Variants in DIP2A observed in about 807,000 individuals in gnomAD.
DIP2A encodes disco-interacting protein 2 homolog A.
In DIP2A, 85 loss-of-function variants were observed where a neutral mutation model predicts 177.4. The observed-to-expected ratio is 0.48, with a 90% CI of 0.40 to 0.57. The LOEUF (loss-of-function observed/expected upper bound fraction) is 0.57. DIP2A is among the 20% of genes least tolerant of loss of function. DIP2A has a pLI of 0.00. For synonymous variants in DIP2A, 886 were observed against 881.8 expected (o/e 1.00, Z -0.08); for missense variants, 1,791 against 2,100.2 (o/e 0.85, Z 2.88).
chr21:46,561,722 A>G, intron 33 of DIP2A, 26 bp from the exon 34 acceptor site: 1 of 1,613,606 alleles, frequency 6.2e-7, no homozygotes, highest in Non-Finnish European at 8.5e-7. Context: ...TAAATTTTGT[A>G]CTGAAATTGT....
intron 8 of DIP2A, among the ~76,000 whole-genome samples, chr21:46,522,185 T>A (rs554937065): frequency 3.2e-4 from 49 of 152,372 alleles, no homozygotes; most frequent in African/African-American, 1.1e-3. Context: ...CTAAAAGGCA[T>A]TACAGTTTTA....
At chr21:46,487,267 C>T (rs776752162) in intron 2 of DIP2A, among the ~76,000 whole-genome samples, 8 of 152,156 alleles carry the variant, frequency 5.3e-5, no homozygotes, top group African/African-American at 9.7e-5. Flanking sequence ...AGAAGATTGA[C>T]GAGGCTCTTT....
chr21:46,510,661 C>T (rs1438797840), intron 7 of DIP2A, among the ~76,000 whole-genome samples: 1 of 139,468 alleles, frequency 7.2e-6, no homozygotes, highest in Non-Finnish European at 1.5e-5. Flanking sequence ...GGCAGAGTCT[C>T]ACTCTGTCGC....
intron 11 of DIP2A, 41 bp downstream of exon 11, chr21:46,533,688 T>C (rs2059441827): frequency 6.2e-7 from 1 of 1,612,762 alleles, no homozygotes; most frequent in African/African-American, 1.3e-5. Context: ...GTTCTGACTG[T>C]GGTCTGTGTT....
intron 20 of DIP2A, 76 bp downstream of exon 20, chr21:46,546,037 C>A: frequency 6.2e-7 from 1 of 1,605,886 alleles, no homozygotes; most frequent in Non-Finnish European, 8.5e-7. Flanking sequence ...CTCGTTGCAG[C>A]CCCACCCTTG....
At chr21:46,565,607 G>A (rs950113108) in intron 35 of DIP2A, 106 bp from the exon 36 acceptor site, 11 of 1,189,916 alleles carry the variant, frequency 9.2e-6, no homozygotes, top group South Asian at 1.6e-5. Context: ...CCCCGACTTC[G>A]TTCAGTGTTT....
downstream of DIP2A, among the ~76,000 whole-genome samples, chr21:46,570,244 G>C (rs959105405): frequency 2.6e-5 from 4 of 152,158 alleles, no homozygotes; most frequent in Admixed American, 1.3e-4. Flanking sequence ...GGTACCTGCT[G>C]CCCTCCAGAA....
At chr21:46,567,070 A>G (rs531320803) in intron 37 of DIP2A, among the ~76,000 whole-genome samples, 3 of 152,354 alleles carry the variant, frequency 2.0e-5, no homozygotes, top group African/African-American at 4.8e-5. Context: ...AAGTGTTTCT[A>G]CTTTTAATAT....
At chr21:46,495,235 TTCTCTTCTTTCTCTCTCTC>T (rs1438900665) in intron 3 of DIP2A, among the ~76,000 whole-genome samples, 264 of 51,210 alleles carry the variant, frequency 5.2e-3, no homozygotes, top group African/African-American at 0.029. Context: ...TTCTCTTCTC[TTCTCTTCTTTCTCTCTCTC>T]TCTCTCTCTC....
chr21:46,465,870 A>C (rs1189602281), intron 1 of DIP2A, among the ~76,000 whole-genome samples: 1 of 152,208 alleles, frequency 6.6e-6, no homozygotes, highest in African/African-American at 2.4e-5. Context: ...TTGAGTTGCA[A>C]AGCGAACTAG....
intron 6 of DIP2A, among the ~76,000 whole-genome samples, chr21:46,506,768 C>CT (rs146990096): frequency 0.033 from 2,099 of 62,916 alleles, 31 homozygotes; most frequent in Non-Finnish European, 0.046. Flanking sequence ...TTCTTTCTTT[C>CT]TTTCTTTTCT....
Position 46,557,819 on chromosome 21 carries a change from C to A in DIP2A, c.3798+66C>A. 1 of 1,534,904 alleles carries A rather than the reference C, an allele frequency of 6.5e-7. No homozygotes were observed. Among genetic ancestry groups the A allele is most frequent in the Admixed American group, 2.0e-5 (1 of 51,212 alleles). The stretch of plus-strand genomic sequence containing the variant: ...ACAGCCCTGGGAAGTTTAAAAACAA[C>A]AAAACAAAACAAGACTCCCAAGGCC... On this transcript the variant is annotated intron_variant, in intron 31 of 37. Transcript: ENST00000417564. The surrounding 1 kb of genome is among the most constrained non-coding windows in gnomAD (Gnocchi z 6.0).
At position 46,484,808 on chromosome 21, in the gene DIP2A, G is replaced by A. The variant is rs771182414; in HGVS notation, c.143G>A (p.Arg48His). 46 of 1,585,008 alleles carry A rather than the reference G, an allele frequency of 2.9e-5. 1 individual carries two copies. Among genetic ancestry groups the A allele is most frequent in the Middle Eastern group, 3.3e-4 (2 of 6,050 alleles). ...YEKKRAKLLA[R>H]YIPLIQGIDP... ...AAGAAAAGGGCAAAGCTGCTTGCAC[G>A]TTATATACCGCTTATTCAAGGTAAG... The change falls in exon 2 of 38, where the codon CGT (arginine) becomes CAT (histidine). Residue 48 changes from arginine (R) to histidine (H), a missense_variant. Physicochemically the swap from Arg to His is conservative, Grantham distance 29 (BLOSUM62 0). Transcript: ENST00000417564.
chr21:46,554,454 C>T, intron 26 of DIP2A, 121 bp from the exon 27 acceptor site: 2 of 1,541,826 alleles, frequency 1.3e-6, no homozygotes, highest in Admixed American at 1.9e-5. Flanking sequence ...CCTGTGGAAA[C>T]CCAGGAGTCA....
At chr21:46,514,641 G>T (rs13051930) in intron 8 of DIP2A, among the ~76,000 whole-genome samples, 18,606 of 59,118 alleles carry the variant, frequency 0.31, 1,431 homozygotes, top group East Asian at 0.55. Flanking sequence ...TTTTTTTTTT[G>T]GTTTTTTTTT....
Position 46,546,985 on chromosome 21 carries a change from A to G in DIP2A, c.2465A>G (p.Asp822Gly). Residue 822 changes from aspartate (D) to glycine (G), a missense_variant, in exon 21 of 38, where the codon GAT becomes GGT. Asp to Gly is a moderately conservative substitution (Grantham distance 94). Coordinates refer to ENST00000417564, the MANE Select transcript of DIP2A (RefSeq NM_015151.4). ...MVTGVRRHNA[D>G]DVVATALAVE... is the part of the protein sequence containing the mutation. ...ACTGGAGTTCGCAGACACAATGCAG[A>G]TGACGTTGTGGCCACCGCACTGGCC... 1.9e-6 allele frequency: 3 copies of G among 1,613,986 alleles called. No individual in the cohort carries two copies. The highest frequency in any genetic ancestry group is 1.3e-5 in the African/African-American group (1 of 75,044).
At position 46,557,273 on chromosome 21, in the gene DIP2A, C is replaced by A; in HGVS notation, c.3629+204C>A. On this transcript the variant is annotated intron_variant, in intron 30 of 37. Transcript: ENST00000417564. The surrounding 1 kb of genome is among the most constrained non-coding windows in gnomAD (Gnocchi z 6.0). ...TTTCATTAAATACACTGTCCGTTAT[C>A]AGTACTTGGGAAGAATCTGCTTGAT... The A allele has an allele frequency of 1.5e-6, 1 of 652,960 alleles. No homozygotes were observed. Among genetic ancestry groups the A allele is most frequent in the Non-Finnish European group, 2.6e-6 (1 of 389,882 alleles). The allele number at this position is 652,960 out of a possible 1,614,324, so 40.4% of individuals were successfully genotyped here. A position where few individuals can be genotyped will look rare whatever the true frequency, so the allele number is the denominator to read the frequency against.
At chr21:46,477,753 GT>G (rs199904128) in intron 1 of DIP2A, among the ~76,000 whole-genome samples, 9 of 138,788 alleles carry the variant, frequency 6.5e-5, no homozygotes, top group Non-Finnish European at 1.1e-4. Flanking sequence ...TTTTTGTTTT[GT>G]TTTTTTTTTG....
chr21:46,578,900 A>T, the DIP2A span, among the ~76,000 whole-genome samples: 1 of 152,196 alleles, frequency 6.6e-6, no homozygotes, highest in South Asian at 2.1e-4. Context: ...TTCATCAGTC[A>T]TATTGGTCTG....
Sources: gnomAD v4.1 joint callset for allele counts (sites outside exome capture counted in the v4.1 genomes callset) on GRCh38, gnomAD v4.1.1 for gene constraint, Gnocchi (gnomAD v3.1) non-coding constraint, MANE v1.5 for transcripts, NCBI Gene and HGNC (gene_info 2026-07-23, HGNC 2026-07-21) for gene names.